The following PI4KA variants were observed in gnomAD, a reference collection of about 807,000 sequenced individuals.
PI4KA encodes the protein phosphatidylinositol 4-kinase alpha.
In PI4KA, 122 loss-of-function variants were observed where a neutral mutation model predicts 271.4. The observed-to-expected ratio is 0.45, with a 90% CI of 0.39 to 0.52. PI4KA has a LOEUF of 0.52. PI4KA is among the 20% of genes least tolerant of loss of function. The probability of loss-of-function intolerance (pLI) is 0.00; values close to 1 mark genes in which losing one functional copy is unlikely to be tolerated. For synonymous variants in PI4KA, 1,041 were observed against 1,078.8 expected (o/e 0.96, Z 0.69); for missense variants, 1,969 against 2,769.1 (o/e 0.71, Z 6.48).
intron 20 of PI4KA, 31 bp downstream of exon 20, chr22:20,765,554 G>T: frequency 7.0e-7 from 1 of 1,424,264 alleles, no homozygotes; most frequent in Non-Finnish European, 9.9e-7. Context: ...TCTGCACTCC[G>T]TCTTCACTGG....
intron 19 of PI4KA, among the ~76,000 whole-genome samples, chr22:20,766,929 G>A (rs969140350): frequency 6.6e-6 from 1 of 152,172 alleles, no homozygotes; most frequent in African/African-American, 2.4e-5. Context: ...AGGCAGGACT[G>A]TAAACTGTCA....
chr22:20,805,442 C>G (rs766534945), intron 10 of PI4KA, among the ~76,000 whole-genome samples: 18 of 152,208 alleles, frequency 1.2e-4, no homozygotes, highest in Admixed American at 3.3e-4. Flanking sequence ...GTACTAAAAC[C>G]TGAATACATG....
intron 8 of PI4KA, among the ~76,000 whole-genome samples, chr22:20,811,889 TG>T (rs1921079328): frequency 6.6e-6 from 1 of 151,570 alleles, no homozygotes; most frequent in African/African-American, 2.4e-5. Context: ...GGTGGTCACC[TG>T]GAGTCCCAGC....
intron 3 of PI4KA, among the ~76,000 whole-genome samples, chr22:20,824,781 A>ACACACACAC (rs879423661): frequency 2.3e-4 from 31 of 136,582 alleles, no homozygotes; most frequent in Admixed American, 3.0e-4. Context: ...CACACACACA[A>ACACACACAC]AACACTCGGC....
chr22:20,821,219 A>T (rs1052787730), intron 4 of PI4KA, among the ~76,000 whole-genome samples: 1 of 151,936 alleles, frequency 6.6e-6, no homozygotes, highest in African/African-American at 2.4e-5. Context: ...TAATTTTTAA[A>T]TTTTTTTTAT....
chr22:20,732,153 G>A (rs1312542647), intron 36 of PI4KA, among the ~76,000 whole-genome samples: 6 of 151,698 alleles, frequency 4.0e-5, no homozygotes, highest in Non-Finnish European at 7.4e-5. Context: ...CAGCCTGGGC[G>A]ACAGATCAAT....
At chr22:20,772,493 C>A (rs1406097549) in intron 19 of PI4KA, among the ~76,000 whole-genome samples, 1 of 152,232 alleles carries the variant, frequency 6.6e-6, no homozygotes, top group Non-Finnish European at 1.5e-5. Flanking sequence ...AAGAAGACAG[C>A]TCTGACAAAA....
chr22:20,775,850 T>C (rs948992947), intron 19 of PI4KA, among the ~76,000 whole-genome samples: 13 of 152,058 alleles, frequency 8.5e-5, no homozygotes, highest in Non-Finnish European at 1.5e-4. Context: ...ACTTGAAGTG[T>C]AGTTGGGCAA....
rs1432003918 is a variant in PI4KA, at chr22:20,858,670, C to CCGG, written c.55_56insCCG (p.Cys19delinsSerGly). 2 of 1,477,368 alleles carry CCGG rather than the reference C, an allele frequency of 1.4e-6. No individual in the cohort carries two copies. The highest frequency in any genetic ancestry group is 2.9e-5 in the African/African-American group (2 of 67,866). The allele number at this position is 1,477,368 out of a possible 1,614,324, so 91.5% of individuals were successfully genotyped here. A position where few individuals can be genotyped will look rare whatever the true frequency, so the allele number is the denominator to read the frequency against. On this transcript the variant is annotated protein_altering_variant, in exon 1 of 55. Transcript: ENST00000255882. ...CGAGGCGCTGGAGCCGGAGCCGGAG[C>CCGG]AGCCGCCGCCGCCTCCGCCTCCGCC...
intron 19 of PI4KA, among the ~76,000 whole-genome samples, chr22:20,792,735 C>T (rs182687552): frequency 1.3e-5 from 2 of 152,312 alleles, no homozygotes; most frequent in Non-Finnish European, 2.9e-5. Flanking sequence ...CTGTGCCCGC[C>T]ATGCCAACAA....
At chr22:20,804,869 G>A (rs1413721824) in intron 11 of PI4KA, 105 bp downstream of exon 11, 5 of 918,378 alleles carry the variant, frequency 5.4e-6, no homozygotes, top group Non-Finnish European at 8.5e-6. Flanking sequence ...TGCCTGTGCT[G>A]GTAACAGAGC....
intron 19 of PI4KA, chr22:20,786,833 T>A (rs751454774): frequency 1.0e-5 from 16 of 1,589,154 alleles, no homozygotes; most frequent in Non-Finnish European, 1.4e-5. Context: ...TAGCCCTCTG[T>A]GTGCTGACCT....
At chr22:20,821,873 G>A (rs1413118886) in intron 4 of PI4KA, among the ~76,000 whole-genome samples, 1 of 152,192 alleles carries the variant, frequency 6.6e-6, no homozygotes, top group Non-Finnish European at 1.5e-5. Flanking sequence ...GGGATTATAG[G>A]CATGAGCCAC....
chr22:20,799,017 T>C (rs1232297649), intron 16 of PI4KA, 76 bp downstream of exon 16: 1 of 1,214,982 alleles, frequency 8.2e-7, no homozygotes, highest in Non-Finnish European at 1.2e-6. Context: ...TAATCTGTAT[T>C]TGTACATCCC....
chr22:20,858,131 C>T lies in PI4KA; in HGVS notation c.156+439G>A, dbSNP rs557930774. 2.0e-5 allele frequency among the ~76,000 whole-genome samples: 3 copies of T among 152,326 alleles called. 1 individual carries two copies. In the East Asian group the frequency reaches 5.8e-4, roughly 29 times the overall value. ...CCGGCAAAGCAGATAAAAGCATCCC[C>T]ATTTTACAAGAAAGCCATCTTCCCA... On this transcript the variant is annotated intron_variant, in intron 1 of 54. Transcript: ENST00000255882.
intron 35 of PI4KA, among the ~76,000 whole-genome samples, 180 bp downstream of exon 35, chr22:20,733,556 A>G (rs895893953): frequency 8.0e-5 from 12 of 150,672 alleles, no homozygotes; most frequent in African/African-American, 2.2e-4. Flanking sequence ...CACGGGACAC[A>G]TGCACAGGGC....
chr22:20,725,856 G>C (rs1927286739), intron 42 of PI4KA: 1 of 220,974 alleles, frequency 4.5e-6, no homozygotes, highest in African/African-American at 2.3e-5. Context: ...AGGCTGCAGT[G>C]AGCTGAGATC....
chr22:20,721,673 C>A, intron 42 of PI4KA: 1 of 467,018 alleles, frequency 2.1e-6, no homozygotes, highest in Non-Finnish European at 3.9e-6. Context: ...TCCTCTGTGT[C>A]TTCCCATGGG....
At chr22:20,833,848 TAG>T (rs1555907765) in intron 3 of PI4KA, among the ~76,000 whole-genome samples, 3 of 151,918 alleles carry the variant, frequency 2.0e-5, no homozygotes, top group Non-Finnish European at 4.4e-5. Flanking sequence ...TTAGTAGAGA[TAG>T]AGTTTCACCA....
Sources: gnomAD v4.1 joint callset for allele counts (sites outside exome capture counted in the v4.1 genomes callset) on GRCh38, gnomAD v4.1.1 for gene constraint, MANE v1.5 for transcripts, NCBI Gene and HGNC (gene_info 2026-07-23, HGNC 2026-07-21) for gene names.